Variants in ERICH2 observed in about 807,000 individuals in gnomAD.
ERICH2 encodes glutamate rich 2, also known as glutamate-rich protein 2.
A neutral mutation model predicts 17.4 loss-of-function variants in ERICH2; 17 were observed. The ratio of observed to expected loss-of-function variants is 0.98; its 90% confidence interval spans 0.67 to 1.47. The LOEUF is 1.47. Ranked by LOEUF, ERICH2 falls within the 40% of genes most tolerant of loss-of-function variation. The pLI, the probability that ERICH2 is intolerant of heterozygous loss-of-function variation, is 0.00. For missense variants in ERICH2, 186 were observed against 183.2 expected (o/e 1.01, Z -0.09); for synonymous variants, 51 against 61.1 (o/e 0.83, Z 0.77).
chr2:170,786,159 T>C (rs530105932), intron 2 of ERICH2, among the ~76,000 whole-genome samples: 3 of 152,302 alleles, frequency 2.0e-5, no homozygotes, highest in Non-Finnish European at 2.9e-5. Flanking sequence ...CTACCTGATA[T>C]CACTTTTCCT....
the ERICH2 span, chr2:170,778,128 A>G: frequency 6.5e-6 from 1 of 153,192 alleles, no homozygotes; most frequent in East Asian, 1.9e-4. Flanking sequence ...TGTTAAAAAA[A>G]TTGTATTCTT....
intron 3 of ERICH2, among the ~76,000 whole-genome samples, chr2:170,796,393 A>AACAATCC (rs1701416020): frequency 6.6e-6 from 1 of 150,596 alleles, no homozygotes; most frequent in African/African-American, 2.4e-5. Flanking sequence ...GGTCTAATTG[A>AACAATCC]ACAATCCACA....
chr2:170,791,718 AAAAAT>A (rs574858256), intron 2 of ERICH2, among the ~76,000 whole-genome samples: 12 of 83,416 alleles, frequency 1.4e-4, no homozygotes, highest in Non-Finnish European at 1.6e-4. Flanking sequence ...AAAATAAAAT[AAAAAT>A]AAAATAAAAT....
chr2:170,793,516 T>A (rs982831099), intron 3 of ERICH2, among the ~76,000 whole-genome samples: 5 of 152,190 alleles, frequency 3.3e-5, no homozygotes, highest in African/African-American at 1.2e-4. Context: ...ACTTGAGGAA[T>A]AGCCACATGA....
At chr2:170,786,092 T>C (rs1701154573) in intron 2 of ERICH2, among the ~76,000 whole-genome samples, 1 of 151,802 alleles carries the variant, frequency 6.6e-6, no homozygotes, top group Admixed American at 6.6e-5. Context: ...AAATGTCCTT[T>C]ATATTTACCC....
chr2:170,787,448 G>A (rs144167322), intron 2 of ERICH2, among the ~76,000 whole-genome samples: 8 of 152,300 alleles, frequency 5.3e-5, no homozygotes, highest in African/African-American at 1.9e-4. Context: ...TGCCCTTATG[G>A]GGATTCTCCC....
chr2:170,798,112 G>A, exon 4 of ERICH2: 2 of 1,537,314 alleles, frequency 1.3e-6, no homozygotes, highest in African/African-American at 2.7e-5. Context: ...GTTGCTGATG[G>A]GTAATTTTAA....
chr2:170,790,126 A>C (rs1188883635), intron 2 of ERICH2, among the ~76,000 whole-genome samples: 1 of 152,254 alleles, frequency 6.6e-6, no homozygotes, highest in Non-Finnish European at 1.5e-5. Context: ...TAACAACAAA[A>C]ATAACAATAA....
At chr2:170,789,905 T>C (rs911205663) in intron 2 of ERICH2, among the ~76,000 whole-genome samples, 2 of 152,118 alleles carry the variant, frequency 1.3e-5, no homozygotes, top group African/African-American at 4.8e-5. Context: ...TAAAGTGCTT[T>C]AAAATAATCC....
intron 1 of ERICH2, among the ~76,000 whole-genome samples, chr2:170,784,224 G>C (rs4668316): frequency 0.29 from 43,694 of 152,076 alleles, 6,486 homozygotes; most frequent in South Asian, 0.34. Flanking sequence ...AGCTGAAGGA[G>C]CCAGCAGGCT....
chr2:170,794,047 T>G (rs937083951), intron 3 of ERICH2, among the ~76,000 whole-genome samples: 1 of 151,924 alleles, frequency 6.6e-6, no homozygotes, highest in Non-Finnish European at 1.5e-5. Flanking sequence ...TAGTGTGTTT[T>G]GTTTTCCTTC....
upstream of ERICH2, among the ~76,000 whole-genome samples, chr2:170,778,834 G>A (rs1196930517): frequency 1.3e-5 from 2 of 152,156 alleles, no homozygotes; most frequent in African/African-American, 4.8e-5. Flanking sequence ...GAGCCCCAAT[G>A]TTCTTTGAGT....
Position 170,792,500 on chromosome 2 carries a change from A to G in ERICH2, c.217-363A>G, listed in dbSNP as rs371531436. Among the ~76,000 whole-genome samples, 50 of 152,370 alleles carry G rather than the reference A, an allele frequency of 3.3e-4. No homozygotes were observed. The East Asian group carries it at 8.7e-3, about 26-fold the overall frequency. ...TCTGCATTTTTTTCAACTGTCGTAT[A>G]ATTATGGACTAAGTTACAAATGAAA... On this transcript the variant is annotated intron_variant, in intron 2 of 4. Coordinates refer to ENST00000409885, the Ensembl canonical transcript of ERICH2.
At chr2:170,789,178 T>C (rs1701225698) in intron 2 of ERICH2, among the ~76,000 whole-genome samples, 1 of 151,674 alleles carries the variant, frequency 6.6e-6, no homozygotes, top group Non-Finnish European at 1.5e-5. Context: ...TTGGCCAGGC[T>C]GGTCTCGAAC....
chr2:170,794,881 C>T (rs1701379218), intron 3 of ERICH2, among the ~76,000 whole-genome samples: 1 of 152,246 alleles, frequency 6.6e-6, no homozygotes, highest in South Asian at 2.1e-4. Flanking sequence ...TACTTCAACA[C>T]TTCCTATCTT....
At chr2:170,794,721 A>C (rs1270086574) in intron 3 of ERICH2, among the ~76,000 whole-genome samples, 1 of 152,242 alleles carries the variant, frequency 6.6e-6, no homozygotes, top group African/African-American at 2.4e-5. Context: ...AGCAGTGTTA[A>C]ACTTAAATTC....
upstream of ERICH2, among the ~76,000 whole-genome samples, chr2:170,781,871 G>A (rs1701037774): frequency 1.3e-5 from 2 of 152,248 alleles, no homozygotes; most frequent in Admixed American, 6.5e-5. Flanking sequence ...CATAAGCATA[G>A]CATTTAGCAA....
intron 3 of ERICH2, among the ~76,000 whole-genome samples, chr2:170,797,778 C>T (rs1348959405): frequency 2.8e-5 from 4 of 142,012 alleles, no homozygotes; most frequent in Admixed American, 7.4e-5. Context: ...GGTAACAGAG[C>T]GACACCCTGT....
At chr2:170,774,552 C>T in the ERICH2 span, among the ~76,000 whole-genome samples, 2 of 136,696 alleles carry the variant, frequency 1.5e-5, no homozygotes, top group Non-Finnish European at 3.1e-5. Flanking sequence ...CTCTTTCACT[C>T]AAGAGCCCCA....
Sources: gnomAD v4.1 joint callset for allele counts (sites outside exome capture counted in the v4.1 genomes callset) on GRCh38, gnomAD v4.1.1 for gene constraint, MANE v1.5 for transcripts, NCBI Gene and HGNC (gene_info 2026-07-23, HGNC 2026-07-21) for gene names.